The following ACTL8 variants were observed in gnomAD, a reference collection of about 807,000 sequenced individuals.
ACTL8 encodes actin-like protein 8.
A neutral mutation model predicts 9.3 loss-of-function variants in ACTL8; 3 were observed. That is an observed-to-expected ratio of 0.32 (90% CI 0.15 to 0.83). The LOEUF is 0.83. ACTL8 is among the 40% of genes least tolerant of loss of function. The pLI, the probability that ACTL8 is intolerant of heterozygous loss-of-function variation, is 0.57. For synonymous variants in ACTL8, 224 were observed against 205.9 expected (o/e 1.09, Z -0.75); for missense variants, 381 against 492.2 (o/e 0.77, Z 2.14).
chr1:17,785,391 GGT>G (rs1229155447), intron 1 of ACTL8, among the ~76,000 whole-genome samples: 1 of 152,204 alleles, frequency 6.6e-6, no homozygotes, highest in Non-Finnish European at 1.5e-5. Flanking sequence ...TGACTGGAAA[GGT>G]TCCATTCTGC....
Position 17,807,053 on chromosome 1 carries a change from C to G in ACTL8, c.-24-15932C>G, listed in dbSNP as rs1194254534. Among the ~76,000 whole-genome samples, 5 of 152,296 alleles carry G rather than the reference C, an allele frequency of 3.3e-5. No individual in the cohort carries two copies. The East Asian group carries it at 9.7e-4, about 30-fold the overall frequency. On this transcript the variant is annotated intron_variant, in intron 1 of 2. Transcript: ENST00000375406. ...ATGGCCTCTTCTTCCATCTTCAGAT[C>G]TGGCAGCGTTGCTGCATCTGCACAT...
intron 1 of ACTL8, among the ~76,000 whole-genome samples, chr1:17,816,967 C>G (rs1386236338): frequency 6.6e-6 from 1 of 152,206 alleles, no homozygotes; most frequent in Non-Finnish European, 1.5e-5. Flanking sequence ...TCACCCTCTG[C>G]AGGTTGCTTC....
chr1:17,790,971 T>G (rs1164080169), intron 1 of ACTL8, among the ~76,000 whole-genome samples: 1 of 151,698 alleles, frequency 6.6e-6, no homozygotes, highest in Non-Finnish European at 1.5e-5. Context: ...TTGGAGCAGA[T>G]GCTAACAGCA....
At chr1:17,801,848 A>G (rs767636099) in intron 1 of ACTL8, among the ~76,000 whole-genome samples, 5 of 152,246 alleles carry the variant, frequency 3.3e-5, no homozygotes, top group Non-Finnish European at 5.9e-5. Flanking sequence ...TGAAAATACA[A>G]TGTTAGCATT....
chr1:17,781,991 T>G (rs1279876556), intron 1 of ACTL8, among the ~76,000 whole-genome samples: 1 of 152,206 alleles, frequency 6.6e-6, no homozygotes, highest in African/African-American at 2.4e-5. Context: ...GAAAGATGTT[T>G]TGGAGGGTTT....
intron 1 of ACTL8, among the ~76,000 whole-genome samples, chr1:17,757,645 T>A (rs1214342875): frequency 2.6e-5 from 4 of 152,198 alleles, no homozygotes; most frequent in Admixed American, 6.5e-5. Context: ...CCCCTAGCTG[T>A]GGTCAGATCT....
chr1:17,796,435 C>T (rs2066277871), intron 1 of ACTL8, among the ~76,000 whole-genome samples: 1 of 152,076 alleles, frequency 6.6e-6, no homozygotes, highest in African/African-American at 2.4e-5. Context: ...CCTTCAGTAT[C>T]TCATTTAATC....
At chr1:17,802,621 T>A (rs926726777) in intron 1 of ACTL8, among the ~76,000 whole-genome samples, 1 of 152,216 alleles carries the variant, frequency 6.6e-6, no homozygotes, top group Admixed American at 6.5e-5. Context: ...TAACTTTCTC[T>A]ACCATATTGT....
At position 17,763,085 on chromosome 1, in the gene ACTL8, CTG is replaced by C. The variant is rs569445754; in HGVS notation, c.-25+7582_-25+7583del. ...CTTTGGGCCAGAGTAGCCTAGGTCT[CTG>C]GGAATTTTCATTTCATCCTGCAATG... On this transcript the variant is annotated intron_variant, in intron 1 of 2. Coordinates refer to ENST00000375406, the MANE Select transcript of ACTL8 (RefSeq NM_030812.3). 3.1e-3 allele frequency among the ~76,000 whole-genome samples: 473 copies of C among 152,216 alleles called. 2 individuals carry two copies. The highest frequency in any genetic ancestry group is 0.011 in the African/African-American group (462 of 41,532).
At chr1:17,824,456 T>A (rs1445908962) in intron 2 of ACTL8, among the ~76,000 whole-genome samples, 2 of 152,152 alleles carry the variant, frequency 1.3e-5, no homozygotes, top group Non-Finnish European at 2.9e-5. Context: ...AGAGTGTGCT[T>A]TCATACGACA....
chr1:17,813,927 T>C (rs1025883619), intron 1 of ACTL8, among the ~76,000 whole-genome samples: 2 of 152,238 alleles, frequency 1.3e-5, no homozygotes, highest in African/African-American at 4.8e-5. Context: ...TCTCTTGTTA[T>C]CCTTTTTGTG....
At chr1:17,777,749 A>T (rs1312403610) in intron 1 of ACTL8, among the ~76,000 whole-genome samples, 1 of 152,210 alleles carries the variant, frequency 6.6e-6, no homozygotes, top group African/African-American at 2.4e-5. Context: ...CCCAGGCTGG[A>T]GTGCAGTGGT....
At chr1:17,782,840 A>G (rs2066166393) in intron 1 of ACTL8, among the ~76,000 whole-genome samples, 1 of 152,204 alleles carries the variant, frequency 6.6e-6, no homozygotes, top group Non-Finnish European at 1.5e-5. Flanking sequence ...AACGCCTTTT[A>G]TTTGATGCTG....
At chr1:17,808,467 AC>A (rs1197785024) in intron 1 of ACTL8, among the ~76,000 whole-genome samples, 1 of 152,226 alleles carries the variant, frequency 6.6e-6, no homozygotes, top group African/African-American at 2.4e-5. Context: ...TGGGCTGTGA[AC>A]CCACAGGTAC....
At chr1:17,764,609 T>C (rs2066031423) in intron 1 of ACTL8, among the ~76,000 whole-genome samples, 1 of 152,020 alleles carries the variant, frequency 6.6e-6, no homozygotes, top group Admixed American at 6.6e-5. Flanking sequence ...CTGATGCCTA[T>C]TGGGTTCAGC....
intron 1 of ACTL8, among the ~76,000 whole-genome samples, chr1:17,790,900 C>T (rs868491599): frequency 1.3e-5 from 2 of 152,228 alleles, no homozygotes; most frequent in African/African-American, 2.4e-5. Context: ...CTTTCCTGAC[C>T]GTGTGCACAT....
intron 1 of ACTL8, among the ~76,000 whole-genome samples, chr1:17,822,604 G>A (rs983081525): frequency 5.9e-5 from 9 of 152,198 alleles, no homozygotes; most frequent in African/African-American, 2.2e-4. Context: ...GGCAGCCAGT[G>A]TCTACAAGGA....
intron 1 of ACTL8, among the ~76,000 whole-genome samples, chr1:17,805,944 AG>A (rs984134426): frequency 1.3e-5 from 2 of 152,196 alleles, no homozygotes; most frequent in African/African-American, 4.8e-5. Context: ...GGGAGGCCGT[AG>A]GGACAAGATG....
chr1:17,820,627 G>A (rs1234670752), intron 1 of ACTL8, among the ~76,000 whole-genome samples: 2 of 151,040 alleles, frequency 1.3e-5, no homozygotes, highest in Non-Finnish European at 2.9e-5. Flanking sequence ...GAGTACAATG[G>A]TGCGATCTTG....
Sources: gnomAD v4.1 joint callset for allele counts (sites outside exome capture counted in the v4.1 genomes callset) on GRCh38, gnomAD v4.1.1 for gene constraint, MANE v1.5 for transcripts, NCBI Gene and HGNC (gene_info 2026-07-23, HGNC 2026-07-21) for gene names.